MT1X: variants seen among roughly 807,000 people sequenced by gnomAD.
The protein encoded by MT1X is metallothionein-1X.
In MT1X, 7 loss-of-function variants were observed where a neutral mutation model predicts 8.6. The ratio of observed to expected loss-of-function variants is 0.81; its 90% CI spans 0.46 to 1.52. The LOEUF is 1.52. Among genes scored for constraint, MT1X ranks in the 40% most tolerant of loss-of-function variants. MT1X has a pLI of 0.01. For missense variants in MT1X, 72 were observed against 74.3 expected (o/e 0.97, Z 0.11); for synonymous variants, 25 against 27.6 (o/e 0.91, Z 0.30).
At chr16:56,683,439 C>G (rs1961026154) in intron 2 of MT1X, 1 of 567,638 alleles carries the variant, frequency 1.8e-6, no homozygotes, top group Non-Finnish European at 3.1e-6. Flanking sequence ...AGAGAGGTTA[C>G]CAGATAGTGT....
chr16:56,682,792 C>T, intron 1 of MT1X: 1 of 620,866 alleles, frequency 1.6e-6, no homozygotes. Context: ...TGCTCCATGT[C>T]ACCCAGTTGG....
At position 56,683,993 on chromosome 16, in the gene MT1X, T is replaced by A. The variant is rs748169079; in HGVS notation, c.130T>A (p.Cys44Ser). The A allele has an allele frequency of 2.5e-6, 4 of 1,614,166 alleles. No homozygotes were observed. Among genetic ancestry groups the A allele is most frequent in the Middle Eastern group, 3.3e-4 (2 of 6,060 alleles). ...CTGCTGCCCTGTGGGCTGTGCCAAGTGTGCCCAGGGCTGCATCTGCAAAGG... is the reference window on the plus strand; with the variant it reads ...CTGCTGCCCTGTGGGCTGTGCCAAGAGTGCCCAGGGCTGCATCTGCAAAGG... ...CSCCPVGCAKCAQGCICKGTS... is the reference protein window; with the variant it reads ...CSCCPVGCAKSAQGCICKGTS... The change falls in exon 3 of 3, where the codon TGT (cysteine) becomes AGT (serine). Residue 44 changes from cysteine to serine, a missense_variant. By Grantham distance (112) the Cys-to-Ser change is moderately radical. Coordinates refer to ENST00000394485, the MANE Select transcript of MT1X (RefSeq NM_005952.4).
chr16:56,683,903 A>T, intron 2 of MT1X, 55 bp from the exon 3 acceptor site: 1 of 1,610,558 alleles, frequency 6.2e-7, no homozygotes, highest in Admixed American at 1.7e-5. Context: ...CTGTTGGGGC[A>T]GGGAGGTGCC....
rs1266780382 is a variant in MT1X at position 56,684,007 on chromosome 16, C to T, written c.144C>T (p.Cys48=). ...PVGCAKCAQG[C]ICKGTSDKCS... ...GCTGTGCCAAGTGTGCCCAGGGCTG[C>T]ATCTGCAAAGGGACGTCAGACAAGT... Residue 48 remains cysteine (C), a synonymous_variant, in exon 3 of 3, where the codon TGC becomes TGT. Coordinates refer to ENST00000394485, the MANE Select transcript of MT1X (RefSeq NM_005952.4). 6.2e-7 allele frequency: 1 copy of T among 1,613,910 alleles called. No homozygotes were observed. The highest frequency in any genetic ancestry group is 8.5e-7 in the Non-Finnish European group (1 of 1,179,990).
chr16:56,683,279 G>C (rs1338691468), intron 2 of MT1X, 49 bp downstream of exon 2: 6 of 1,609,982 alleles, frequency 3.7e-6, no homozygotes, highest in Non-Finnish European at 5.1e-6. Context: ...CCAAGTTAGA[G>C]CAGGGAACCC....
intron 2 of MT1X, 78 bp from the exon 3 acceptor site, chr16:56,683,880 T>C (rs1961031056): frequency 1.9e-6 from 3 of 1,594,650 alleles, no homozygotes; most frequent in East Asian, 2.2e-5. Context: ...GAGGCAGGGC[T>C]CGAGCCAGGC....
chr16:56,683,515 G>C (rs1961026744), intron 2 of MT1X: 5 of 437,066 alleles, frequency 1.1e-5, no homozygotes, highest in Non-Finnish European at 1.7e-5. Flanking sequence ...TCACCCTTCT[G>C]GGTCCTGAAG....
intron 1 of MT1X, 97 bp from the exon 2 acceptor site, chr16:56,683,068 C>G: frequency 6.9e-7 from 1 of 1,446,368 alleles, no homozygotes; most frequent in South Asian, 1.2e-5. Flanking sequence ...GGGGCTGGTC[C>G]TTCAGCACAG....
intron 2 of MT1X, 88 bp from the exon 3 acceptor site, chr16:56,683,870 G>A (rs1961030962): frequency 6.4e-7 from 1 of 1,569,398 alleles, no homozygotes; most frequent in African/African-American, 1.4e-5. Context: ...TCTGGGGCTG[G>A]AGGCAGGGCT....
chr16:56,684,028 C>T lies in MT1X; in HGVS notation c.165C>T (p.Asp55=). 2 of 1,613,468 alleles carry T rather than the reference C, an allele frequency of 1.2e-6. No individual in the cohort carries two copies. The highest frequency in any genetic ancestry group is 2.2e-5 in the South Asian group (2 of 91,072). ...GCTGCATCTGCAAAGGGACGTCAGA[C>T]AAGTGCAGCTGCTGTGCCTGATGCC... ...AQGCICKGTS[D]KCSCCA The change falls in exon 3 of 3, where the codon GAC becomes GAT. Residue 55 remains aspartate (D), a synonymous_variant. Transcript: ENST00000394485.
intron 1 of MT1X, chr16:56,682,872 G>C: frequency 1.7e-6 from 1 of 591,590 alleles, no homozygotes; most frequent in South Asian, 2.1e-5. Context: ...TGGGAAGTGG[G>C]GGGCCATTGC....
At position 56,683,944 on chromosome 16, in the gene MT1X, C is replaced by T. The variant is rs751014284; in HGVS notation, c.95-14C>T. ...GAGTCTGCTCTGACCTCTCACTCTCCCCTTCTTCTCCAGGCTGCTGCTCCT... is the reference window on the plus strand; with the variant it reads ...GAGTCTGCTCTGACCTCTCACTCTCTCCTTCTTCTCCAGGCTGCTGCTCCT... On this transcript the variant is annotated splice_polypyrimidine_tract_variant and intron_variant, in intron 2 of 2. Transcript: ENST00000394485. 4 of 1,613,890 alleles carry T rather than the reference C, an allele frequency of 2.5e-6. No homozygotes were observed. In the South Asian group the frequency reaches 4.4e-5, roughly 18 times the overall value.
At chr16:56,683,058 G>A (rs1961020267) in intron 1 of MT1X, 107 bp from the exon 2 acceptor site, 1 of 1,343,586 alleles carries the variant, frequency 7.4e-7, no homozygotes, top group Admixed American at 1.8e-5. Flanking sequence ...AGGAGCTCTG[G>A]GGGCTGGTCC....
At chr16:56,683,631 CTG>C (rs1961028462) in intron 2 of MT1X, 7 of 401,666 alleles carry the variant, frequency 1.7e-5, no homozygotes, top group South Asian at 1.7e-4. Context: ...CCCAGAACTG[CTG>C]TGTCAGGGAT....
rs1048013141 is a variant in MT1X, at chr16:56,682,506, C to T, written c.-35C>T. ...CATCTGTCCCGCTGCGTGTTTTCCT[C>T]TTGATCGGGAACTCCTGCTTCTCCT... On this transcript the variant is annotated 5_prime_UTR_variant, in exon 1 of 3. Transcript: ENST00000394485. 1.2e-6 allele frequency: 2 copies of T among 1,614,042 alleles called. No homozygotes were observed. The highest frequency in any genetic ancestry group is 1.3e-5 in the African/African-American group (1 of 75,070).
chr16:56,683,414 T>C, intron 2 of MT1X, 184 bp downstream of exon 2: 3 of 634,310 alleles, frequency 4.7e-6, no homozygotes, highest in Non-Finnish European at 8.0e-6. Context: ...ATTACCAAAC[T>C]AGAAACTGAG....
intron 2 of MT1X, 114 bp downstream of exon 2, chr16:56,683,344 A>T: frequency 1.6e-6 from 2 of 1,220,886 alleles, no homozygotes; most frequent in Non-Finnish European, 2.4e-6. Flanking sequence ...CCCCTCCTTC[A>T]ACACCTGATT....
In MT1X at chr16:56,684,168, T is replaced by C; in HGVS notation, c.*119T>C. 1 of 1,238,406 alleles carries C rather than the reference T, an allele frequency of 8.1e-7. No individual in the cohort carries two copies. Among genetic ancestry groups the C allele is most frequent in the East Asian group, 2.4e-5 (1 of 41,062 alleles). The allele number at this position is 1,238,406 out of a possible 1,614,324, so 76.7% of individuals were successfully genotyped here. A position where few individuals can be genotyped will look rare whatever the true frequency, so the allele number is the denominator to read the frequency against. ...GCTACATCTTTTTTTCTATGAAATA[T>C]GTGAATGGCAATAAATTCATCTAGA... is the stretch of plus-strand genomic sequence containing the variant. On this transcript the variant is annotated 3_prime_UTR_variant, in exon 3 of 3. Coordinates refer to ENST00000394485, the MANE Select transcript of MT1X (RefSeq NM_005952.4).
Position 56,683,979 on chromosome 16 carries a change from T to G in MT1X, c.116T>G (p.Val39Gly). The G allele has an allele frequency of 1.2e-6, 2 of 1,614,114 alleles. No individual in the cohort carries two copies. The highest frequency in any genetic ancestry group is 1.7e-6 in the Non-Finnish European group (2 of 1,180,004). Reference protein sequence around the residue: ...CKKSCCSCCPVGCAKCAQGCI... With the variant: ...CKKSCCSCCPGGCAKCAQGCI... ...CCAGGCTGCTGCTCCTGCTGCCCTG[T>G]GGGCTGTGCCAAGTGTGCCCAGGGC... is the stretch of plus-strand genomic sequence containing the variant. The change falls in exon 3 of 3, where the codon GTG becomes GGG. Residue 39 changes from valine to glycine, a missense_variant. Physicochemically the swap from Val to Gly is moderately radical, Grantham distance 109. Transcript: ENST00000394485.
Sources: allele counts gnomAD v4.1 joint callset, GRCh38; gene constraint gnomAD v4.1.1; transcripts MANE v1.5; gene names NCBI Gene and HGNC (gene_info 2026-07-23, HGNC 2026-07-21).